CFAP47: variants seen among roughly 807,000 people sequenced by gnomAD.
CFAP47 encodes the protein cilia and flagella associated protein 47.
A neutral mutation model predicts 148.1 loss-of-function variants in CFAP47; 29 were observed. The observed-to-expected ratio is 0.20, with a 90% CI of 0.15 to 0.27. The LOEUF (loss-of-function observed/expected upper bound fraction) is 0.27. Among genes scored for constraint, CFAP47 ranks in the 10% least tolerant of loss-of-function variants. The pLI is 1.00. For missense variants in CFAP47, 1,872 were observed against 1,697.5 expected, an observed-to-expected ratio of 1.10 and a Z score of -1.81; for synonymous variants, 664 against 577.3, an observed-to-expected ratio of 1.15 and a Z score of -2.15.
chrX:36,025,492 G>T lies in CFAP47; in HGVS notation c.3557-5761G>T, dbSNP rs116619820. On this transcript the variant is annotated intron_variant, in intron 22 of 63. Coordinates refer to ENST00000378653, the MANE Select transcript of CFAP47 (RefSeq NM_001304548.2). ...CTAAATAAAAATGAAAAAAAAAAAA[G>T]TAGTTGAATGTGGTGACGCATATCT... 3.4e-3 allele frequency among the ~76,000 whole-genome samples: 370 copies of T among 107,820 alleles called. 1 individual carries two copies. The highest frequency in any genetic ancestry group is 0.012 in the African/African-American group (344 of 28,368). The allele number at this position is 107,820 out of a possible 115,157, so 93.6% of individuals were successfully genotyped here.
intron 21 of CFAP47, among the ~76,000 whole-genome samples, chrX:36,008,947 G>A (rs1937010446): frequency 9.0e-6 from 1 of 110,667 alleles, no homozygotes; most frequent in Admixed American, 9.7e-5. Context: ...TAGTATATCC[G>A]GTACCCTACT....
At chrX:36,099,223 T>A (rs1938331316) in intron 31 of CFAP47, among the ~76,000 whole-genome samples, 1 of 111,803 alleles carries the variant, frequency 8.9e-6, no homozygotes, top group African/African-American at 3.2e-5. Flanking sequence ...CATGTGCCAC[T>A]TTTCTTCTTC....
chrX:36,297,248 A>G (rs1941251492), intron 51 of CFAP47, among the ~76,000 whole-genome samples: 1 of 111,816 alleles, frequency 8.9e-6, no homozygotes, highest in South Asian at 3.7e-4. Flanking sequence ...ATTAGAGGTG[A>G]TCAGGCAAAT....
chrX:36,170,551 GT>G (rs1939557472), intron 39 of CFAP47, among the ~76,000 whole-genome samples: 1 of 110,435 alleles, frequency 9.1e-6, no homozygotes, highest in Non-Finnish European at 1.9e-5. Flanking sequence ...GCAGTGTTTG[GT>G]TTTTTGTTCT....
chrX:36,105,663 T>C (rs1938454384), intron 33 of CFAP47, among the ~76,000 whole-genome samples: 1 of 111,833 alleles, frequency 8.9e-6, no homozygotes. Context: ...ATATCAAAAT[T>C]TATCTTATAA....
rs752698269 is a variant in CFAP47 at position 35,975,302 on chromosome X, C to T, written c.2410C>T (p.Pro804Ser). The change falls in exon 14 of 64, where the codon CCT becomes TCT. Residue 804 changes from proline to serine, a missense_variant. Transcript: ENST00000378653. ...CAACCAATTTTCATACGTGATTCTA[C>T]CTACATCCAGTACTTATATTTCAAT... is the stretch of plus-strand genomic sequence containing the variant. ...KTNQFSYVIL[P>S]TSSTYISMVF... The T allele has an allele frequency of 8.3e-7, 1 of 1,207,614 alleles. No homozygotes were observed. Among genetic ancestry groups the T allele is most frequent in the East Asian group, 3.0e-5 (1 of 33,681 alleles).
intron 19 of CFAP47, among the ~76,000 whole-genome samples, chrX:35,999,307 A>T (rs1439732669): frequency 8.9e-6 from 1 of 111,928 alleles, no homozygotes; most frequent in African/African-American, 3.2e-5. Flanking sequence ...TGTTGTCTCG[A>T]TCTCCTTTAA....
At chrX:36,239,534 T>C (rs1286436402) in intron 48 of CFAP47, among the ~76,000 whole-genome samples, 3 of 112,110 alleles carry the variant, frequency 2.7e-5, no homozygotes, top group Non-Finnish European at 5.6e-5. Context: ...AGCATCCCAC[T>C]AGGAAGGCAT....
intron 55 of CFAP47, among the ~76,000 whole-genome samples, chrX:36,310,134 T>A (rs1348352666): frequency 1.8e-5 from 2 of 110,973 alleles, no homozygotes; most frequent in Admixed American, 1.9e-4. Flanking sequence ...AAGTGTTTGT[T>A]GCAGAAGTTT....
At chrX:35,935,474 C>A (rs1226822614) in intron 2 of CFAP47, among the ~76,000 whole-genome samples, 1 of 111,053 alleles carries the variant, frequency 9.0e-6, no homozygotes. Context: ...TGATTCAAAA[C>A]TGTGTTTCCT....
intron 45 of CFAP47, among the ~76,000 whole-genome samples, chrX:36,225,137 G>A (rs1002429190): frequency 9.0e-6 from 1 of 111,473 alleles, no homozygotes; most frequent in Non-Finnish European, 1.9e-5. Flanking sequence ...AAAGATACAG[G>A]TTAACTACAT....
chrX:36,308,279 C>A (rs1941366810), intron 55 of CFAP47, among the ~76,000 whole-genome samples: 1 of 111,607 alleles, frequency 9.0e-6, no homozygotes, highest in Admixed American at 9.5e-5. Flanking sequence ...TAATTTCAGT[C>A]ACTCTGAGTA....
At position 36,036,450 on chromosome X, in the gene CFAP47, T is replaced by C. The variant is rs1323901806; in HGVS notation, c.3811+596T>C. ...CATACATCACAATTTCTTTATCCAC[T>C]CATCCATCAATGGACACTTTTATAA... is the stretch of plus-strand genomic sequence containing the variant. On this transcript the variant is annotated intron_variant, in intron 24 of 63. Coordinates refer to ENST00000378653, the MANE Select transcript of CFAP47 (RefSeq NM_001304548.2). Among the ~76,000 whole-genome samples, 20 of 111,055 alleles carry C rather than the reference T, an allele frequency of 1.8e-4. No homozygotes were observed. The Admixed American group carries it at 1.8e-3, about 10-fold the overall frequency.
intron 19 of CFAP47, among the ~76,000 whole-genome samples, 160 bp from the exon 20 acceptor site, chrX:36,000,123 G>C (rs997495624): frequency 9.0e-6 from 1 of 111,108 alleles, no homozygotes; most frequent in Non-Finnish European, 1.9e-5. Flanking sequence ...CATGTAGGAG[G>C]CATAGAGGAG....
intron 49 of CFAP47, among the ~76,000 whole-genome samples, chrX:36,273,285 A>G (rs1430457645): frequency 8.9e-6 from 1 of 112,026 alleles, no homozygotes; most frequent in Non-Finnish European, 1.9e-5. Context: ...TGTTTTACTG[A>G]CTGTGAAAAA....
intron 55 of CFAP47, among the ~76,000 whole-genome samples, chrX:36,307,577 T>G (rs1294979265): frequency 9.0e-6 from 1 of 110,997 alleles, no homozygotes; most frequent in Admixed American, 9.7e-5. Flanking sequence ...CAATTAAAAT[T>G]TTATGTAAAA....
rs782755532 is a variant in CFAP47 at position 36,378,675 on chromosome X, G to A, written c.9186-675G>A. 4.9e-3 allele frequency among the ~76,000 whole-genome samples: 541 copies of A among 111,455 alleles called. 1 individual carries two copies. The highest frequency in any genetic ancestry group is 8.0e-3 in the Non-Finnish European group (423 of 53,108). ...CTGTCTCAGCCTCCCTAGTAACTGGGATTACAGGCGTGAGCCACCATGCCC... is the reference window on the plus strand; with the variant it reads ...CTGTCTCAGCCTCCCTAGTAACTGGAATTACAGGCGTGAGCCACCATGCCC... On this transcript the variant is annotated intron_variant, in intron 62 of 63. Coordinates refer to ENST00000378653, the MANE Select transcript of CFAP47 (RefSeq NM_001304548.2).
At chrX:36,176,996 C>G (rs1331244560) in intron 39 of CFAP47, among the ~76,000 whole-genome samples, 1 of 112,332 alleles carries the variant, frequency 8.9e-6, no homozygotes, top group Non-Finnish European at 1.9e-5. Context: ...GGAACCCATT[C>G]CAGACCTGCG....
At chrX:36,317,770 T>A in intron 56 of CFAP47, among the ~76,000 whole-genome samples, 1 of 110,796 alleles carries the variant, frequency 9.0e-6, no homozygotes, top group Non-Finnish European at 1.9e-5. Context: ...TTAGTTTATT[T>A]TGCTCATATT....
Sources: allele counts gnomAD v4.1 joint callset (sites outside exome capture counted in the v4.1 genomes callset), GRCh38; gene constraint gnomAD v4.1.1; transcripts MANE v1.5; gene names NCBI Gene and HGNC (gene_info 2026-07-23, HGNC 2026-07-21).